SCML4: variants seen among roughly 807,000 people sequenced by gnomAD.
The protein encoded by SCML4 is sex comb on midleg-like protein 4.
SCML4 carries 34 observed loss-of-function variants against 41.1 expected under a neutral mutation model. The observed-to-expected ratio is 0.83, with a 90% confidence interval of 0.63 to 1.10. The LOEUF (loss-of-function observed/expected upper bound fraction) is 1.10, where lower values mean the gene tolerates loss of function less well. SCML4 is among the 50% of genes least tolerant of loss of function. The pLI is 0.00. For missense variants in SCML4, 522 were observed against 534.1 expected, an observed-to-expected ratio of 0.98 and a Z score of 0.22; for synonymous variants, 214 against 220.9, an observed-to-expected ratio of 0.97 and a Z score of 0.28.
At chr6:107,779,708 T>A (rs1312045568) in intron 1 of SCML4, among the ~76,000 whole-genome samples, 1 of 152,182 alleles carries the variant, frequency 6.6e-6, no homozygotes, top group Non-Finnish European at 1.5e-5. Context: ...ATGTCTCCAG[T>A]GTCATTCTTC....
intron 1 of SCML4, among the ~76,000 whole-genome samples, chr6:107,810,918 C>G (rs953269817): frequency 1.3e-5 from 2 of 152,126 alleles, no homozygotes; most frequent in Non-Finnish European, 2.9e-5. Flanking sequence ...TGGGATTACA[C>G]ATGTGAACCC....
intron 1 of SCML4, among the ~76,000 whole-genome samples, chr6:107,789,011 C>T (rs1020966885): frequency 2.0e-5 from 3 of 152,208 alleles, no homozygotes; most frequent in Non-Finnish European, 4.4e-5. Context: ...TCTCAGCTGT[C>T]CTGATAGGCA....
In SCML4 at chr6:107,704,591, A is replaced by C. The variant is rs757067336; in HGVS notation, c.*609T>G. 3 of 156,514 alleles carry C rather than the reference A, an allele frequency of 1.9e-5. No homozygotes were observed. Among genetic ancestry groups the C allele is most frequent in the Non-Finnish European group, 4.2e-5 (3 of 71,536 alleles). The allele number at this position is 156,514 out of a possible 1,614,324, so 9.7% of individuals were successfully genotyped here. On this transcript the variant is annotated 3_prime_UTR_variant, in exon 8 of 8. Coordinates refer to ENST00000369020, the MANE Select transcript of SCML4 (RefSeq NM_198081.5). ...GTGAGGGTCCTGAAATTTCATTAGC[A>C]GTCTGCCCTCTAGCGGAGAAACACA...
intron 5 of SCML4, among the ~76,000 whole-genome samples, chr6:107,737,930 T>TA (rs1351841850): frequency 1.3e-5 from 2 of 152,034 alleles, no homozygotes; most frequent in South Asian, 4.1e-4. Context: ...TAATTTTTTT[T>TA]AAAAAAAGAA....
the SCML4 span, among the ~76,000 whole-genome samples, chr6:107,832,415 C>T: frequency 6.6e-6 from 1 of 152,124 alleles, no homozygotes; most frequent in Non-Finnish European, 1.5e-5. Context: ...ACATGCTTCC[C>T]CCTTTCCCAC....
chr6:107,759,132 CAAAAAAA>C (rs60124415), intron 2 of SCML4, among the ~76,000 whole-genome samples: 10 of 88,220 alleles, frequency 1.1e-4, no homozygotes, highest in Non-Finnish European at 1.5e-4. Flanking sequence ...ACAAAAAATA[CAAAAAAA>C]AAAAAAAAAA....
intron 2 of SCML4, among the ~76,000 whole-genome samples, chr6:107,766,949 A>ATTTT (rs35794596): frequency 7.3e-6 from 1 of 136,354 alleles, no homozygotes; most frequent in Non-Finnish European, 1.6e-5. Flanking sequence ...CTATTAAGCT[A>ATTTT]TTTTTTTTTT....
At chr6:107,837,321 C>A in the SCML4 span, among the ~76,000 whole-genome samples, 1 of 152,102 alleles carries the variant, frequency 6.6e-6, no homozygotes, top group Non-Finnish European at 1.5e-5. Flanking sequence ...AAGGGAGTAG[C>A]CTTACAAGGG....
intron 1 of SCML4, among the ~76,000 whole-genome samples, chr6:107,787,179 G>A (rs1291817229): frequency 6.6e-6 from 1 of 152,172 alleles, no homozygotes; most frequent in East Asian, 1.9e-4. Context: ...TAAAGAAATG[G>A]GACTGATACA....
chr6:107,752,993 C>T (rs1778814503), intron 2 of SCML4, among the ~76,000 whole-genome samples: 1 of 152,122 alleles, frequency 6.6e-6, no homozygotes, highest in Non-Finnish European at 1.5e-5. Context: ...TAAGTAAAGT[C>T]AACTCCTCTT....
chr6:107,747,856 G>A (rs1346869153), intron 3 of SCML4, among the ~76,000 whole-genome samples: 2 of 152,118 alleles, frequency 1.3e-5, no homozygotes, highest in Non-Finnish European at 2.9e-5. Flanking sequence ...GTTTATACAA[G>A]TTCAACTTCA....
At chr6:107,729,031 C>G (rs1057347897) in intron 5 of SCML4, among the ~76,000 whole-genome samples, 2 of 152,216 alleles carry the variant, frequency 1.3e-5, no homozygotes, top group Admixed American at 1.3e-4. Flanking sequence ...TGGCCCTCAT[C>G]ATTCGGTGGC....
chr6:107,753,872 A>G (rs962980711), intron 2 of SCML4, among the ~76,000 whole-genome samples: 3 of 152,216 alleles, frequency 2.0e-5, no homozygotes, highest in Non-Finnish European at 4.4e-5. Context: ...CTTTCCATCT[A>G]TTGCAACAGG....
intron 2 of SCML4, among the ~76,000 whole-genome samples, chr6:107,762,876 C>CTTTTTTT (rs57370632): frequency 6.7e-5 from 6 of 89,702 alleles, no homozygotes; most frequent in African/African-American, 1.8e-4. Context: ...TAAATGCACT[C>CTTTTTTT]TTTTTTTTTT....
the SCML4 span, among the ~76,000 whole-genome samples, chr6:107,829,621 C>A: frequency 6.6e-6 from 1 of 152,018 alleles, no homozygotes; most frequent in East Asian, 1.9e-4. Context: ...AACATTAGGA[C>A]AAATACCTAA....
intron 5 of SCML4, among the ~76,000 whole-genome samples, chr6:107,736,585 C>T (rs529219767): frequency 4.6e-5 from 7 of 152,272 alleles, no homozygotes; most frequent in African/African-American, 1.7e-4. Context: ...CACTATCTGC[C>T]AACTGACTAA....
intron 5 of SCML4, among the ~76,000 whole-genome samples, chr6:107,723,622 A>G (rs774770713): frequency 9.9e-5 from 15 of 152,262 alleles, no homozygotes; most frequent in Non-Finnish European, 2.1e-4. Flanking sequence ...CAATCTGAGT[A>G]GACCTGTAAG....
At chr6:107,837,326 C>G in the SCML4 span, among the ~76,000 whole-genome samples, 4 of 152,272 alleles carry the variant, frequency 2.6e-5, no homozygotes, top group African/African-American at 7.2e-5. Flanking sequence ...AGTAGCCTTA[C>G]AAGGGTGCAT....
At position 107,708,021 on chromosome 6, in the gene SCML4, G is replaced by T. The variant is rs1375486123; in HGVS notation, c.974-10C>A. ...TGAGAAGGGCTTGAGGCTGGATGGG[G>T]CACAGAGAGGGAGACCATGAGCCAG... On this transcript the variant is annotated splice_polypyrimidine_tract_variant and intron_variant, in intron 6 of 7. Coordinates refer to ENST00000369020, the MANE Select transcript of SCML4 (RefSeq NM_198081.5). The T allele has an allele frequency of 5.8e-6, 9 of 1,549,340 alleles. No homozygotes were observed. The Admixed American group carries it at 1.8e-4, about 30-fold the overall frequency.
Sources: allele counts gnomAD v4.1 joint callset (sites outside exome capture counted in the v4.1 genomes callset), GRCh38; gene constraint gnomAD v4.1.1; transcripts MANE v1.5; gene names NCBI Gene and HGNC (gene_info 2026-07-23, HGNC 2026-07-21).